Variants in PXYLP1 observed in about 807,000 individuals in gnomAD.
The protein encoded by PXYLP1 is 2-phosphoxylose phosphatase 1, also known as acid phosphatase-like 2.
Under a neutral mutation model 37.9 loss-of-function variants are expected in PXYLP1, and 17 were observed. The ratio of observed to expected loss-of-function variants is 0.45; its 90% CI spans 0.31 to 0.67. The LOEUF (loss-of-function observed/expected upper bound fraction) is 0.67, where lower values mean the gene tolerates loss of function less well. PXYLP1 is among the 30% of genes least tolerant of loss of function. The pLI, the probability that PXYLP1 is intolerant of heterozygous loss-of-function variation, is 0.07. For missense variants in PXYLP1, 511 were observed against 612.0 expected, an observed-to-expected ratio of 0.84 and a Z score of 1.74; for synonymous variants, 221 against 232.2, an observed-to-expected ratio of 0.95 and a Z score of 0.44.
At position 141,292,540 on chromosome 3, in the gene PXYLP1, C is replaced by T. The variant is rs1358182464; in HGVS notation, c.778C>T (p.Arg260Cys). 18 of 1,614,198 alleles carry T rather than the reference C, an allele frequency of 1.1e-5. No homozygotes were observed. Among genetic ancestry groups the T allele is most frequent in the East Asian group, 4.5e-5 (2 of 44,886 alleles). Residue 260 changes from arginine (R) to cysteine (C), a missense_variant, in exon 6 of 6, where the codon CGT becomes TGT. Physicochemically the swap from Arg to Cys is radical, Grantham distance 180. Transcript: ENST00000286353. This position sits in a 1 kb window ranked among gnomAD's most constrained non-coding sequence, Gnocchi z 4.3. Reference protein sequence around the residue: ...RNQYLEKEQRRQYLLRLKNSQ... With the variant: ...RNQYLEKEQRCQYLLRLKNSQ... ...CCAGTATCTGGAAAAGGAGCAGCGT[C>T]GTCAGTACCTCCTACGTTTGAAAAA...
chr3:141,279,382 T>C lies in PXYLP1; in HGVS notation c.243T>C (p.His81=). ...CAATGTGCTTCTCTCGCGCAGGTCA[T>C]GCCCCGCATCATTTTAAGCTGGTCT... is the stretch of plus-strand genomic sequence containing the variant. ...PSVAERSMEG[H]APHHFKLVSV... Residue 81 remains histidine, a synonymous_variant, in exon 4 of 6, where the codon CAT becomes CAC. Coordinates refer to ENST00000286353, the MANE Select transcript of PXYLP1 (RefSeq NM_001037172.3). The C allele has an allele frequency of 6.2e-7, 1 of 1,614,212 alleles. No homozygotes were observed. The highest frequency in any genetic ancestry group is 8.5e-7 in the Non-Finnish European group (1 of 1,180,026).
chr3:141,287,181 G>T (rs1559896823), intron 4 of PXYLP1, 133 bp from the exon 5 acceptor site: 11 of 902,742 alleles, frequency 1.2e-5, no homozygotes, highest in Non-Finnish European at 1.7e-5. Context: ...GAACTGAAAA[G>T]TGATTGAGCC....
intron 1 of PXYLP1, among the ~76,000 whole-genome samples, chr3:141,245,327 A>G (rs1438609455): frequency 2.0e-5 from 3 of 152,072 alleles, no homozygotes; most frequent in African/African-American, 4.8e-5. Context: ...TTGGCCTCCC[A>G]AAGTGCTATG....
chr3:141,249,639 A>T (rs1020469639), intron 1 of PXYLP1, among the ~76,000 whole-genome samples: 1 of 152,212 alleles, frequency 6.6e-6, no homozygotes, highest in African/African-American at 2.4e-5. Flanking sequence ...AAATTTTTTT[A>T]AAAACAGCTA....
At chr3:141,288,738 T>G (rs1335603052) in intron 5 of PXYLP1, among the ~76,000 whole-genome samples, 1 of 152,028 alleles carries the variant, frequency 6.6e-6, no homozygotes, top group Non-Finnish European at 1.5e-5. Context: ...TACAAACAAT[T>G]TTTTAAAATT....
At chr3:141,273,652 A>T in intron 2 of PXYLP1, 3 of 985,382 alleles carry the variant, frequency 3.0e-6, no homozygotes, top group Non-Finnish European at 3.6e-6. Flanking sequence ...TTTCTTTGAA[A>T]TTGAGACCTT....
At chr3:141,255,460 G>T (rs1322684152) in intron 1 of PXYLP1, among the ~76,000 whole-genome samples, 1 of 152,256 alleles carries the variant, frequency 6.6e-6, no homozygotes, top group Admixed American at 6.5e-5. Context: ...AAGGTGATGG[G>T]ACTTGAGAGA....
At chr3:141,284,489 C>A (rs1942026605) in intron 4 of PXYLP1, among the ~76,000 whole-genome samples, 1 of 152,152 alleles carries the variant, frequency 6.6e-6, no homozygotes, top group Non-Finnish European at 1.5e-5. Context: ...TAGTGTACGA[C>A]TAGTACACTA....
At chr3:141,241,200 G>A (rs1006563882) in intron 1 of PXYLP1, among the ~76,000 whole-genome samples, 2 of 152,202 alleles carry the variant, frequency 1.3e-5, no homozygotes, top group African/African-American at 2.4e-5. Flanking sequence ...TTGATGAGTG[G>A]TATATTGATA....
intron 2 of PXYLP1, chr3:141,274,648 G>A (rs939148892): frequency 2.8e-6 from 2 of 723,694 alleles, no homozygotes; most frequent in East Asian, 2.7e-5. Flanking sequence ...CCTATCCTCT[G>A]TCAGTCAGCG....
chr3:141,264,138 A>G (rs1941456118), intron 2 of PXYLP1, among the ~76,000 whole-genome samples: 1 of 151,460 alleles, frequency 6.6e-6, no homozygotes, highest in Non-Finnish European at 1.5e-5. Context: ...GTCGAAGGAA[A>G]TGCTGAAGGT....
intron 1 of PXYLP1, chr3:141,232,271 C>G (rs1286805566): frequency 6.6e-6 from 1 of 152,440 alleles, no homozygotes; most frequent in East Asian, 1.9e-4. Flanking sequence ...TCCAAGCCCT[C>G]GCCCCCCGCA....
At chr3:141,281,490 G>A (rs182970026) in intron 4 of PXYLP1, among the ~76,000 whole-genome samples, 78 of 152,342 alleles carry the variant, frequency 5.1e-4, no homozygotes, top group Admixed American at 4.6e-3. Flanking sequence ...CCCAGGACAC[G>A]GCAGCCCTCA....
At chr3:141,285,144 C>CTTTT (rs147495598) in intron 4 of PXYLP1, among the ~76,000 whole-genome samples, 11,888 of 78,016 alleles carry the variant, frequency 0.15, 947 homozygotes, top group African/African-American at 0.23. Flanking sequence ...TTTTCTTTTT[C>CTTTT]TTTTTTTTTT....
chr3:141,277,599 C>A (rs1941827437), intron 2 of PXYLP1, among the ~76,000 whole-genome samples: 2 of 152,234 alleles, frequency 1.3e-5, no homozygotes, highest in South Asian at 4.1e-4. Context: ...CCCATTACTA[C>A]CCTTATTGAC....
At chr3:141,276,558 G>C (rs993437511) in intron 2 of PXYLP1, among the ~76,000 whole-genome samples, 1 of 152,182 alleles carries the variant, frequency 6.6e-6, no homozygotes, top group African/African-American at 2.4e-5. Flanking sequence ...TGCTAGAGAT[G>C]GATATTTAGG....
At chr3:141,290,940 C>T (rs576793659) in intron 5 of PXYLP1, among the ~76,000 whole-genome samples, 10 of 152,248 alleles carry the variant, frequency 6.6e-5, no homozygotes, top group East Asian at 3.9e-4. Context: ...GGGTGAGACA[C>T]GGAATCTAAT....
chr3:141,290,543 G>A (rs1321417576), intron 5 of PXYLP1, among the ~76,000 whole-genome samples: 11 of 152,242 alleles, frequency 7.2e-5, no homozygotes, highest in Admixed American at 7.2e-4. Flanking sequence ...AGCAGGTAGT[G>A]TTGGAGCTTG....
intron 5 of PXYLP1, among the ~76,000 whole-genome samples, chr3:141,289,531 A>G (rs1378199208): frequency 6.6e-6 from 1 of 152,180 alleles, no homozygotes; most frequent in African/African-American, 2.4e-5. Flanking sequence ...GTTAAAAATA[A>G]CAGAAAACAC....
Sources: gnomAD v4.1 joint callset for allele counts (sites outside exome capture counted in the v4.1 genomes callset) on GRCh38, gnomAD v4.1.1 for gene constraint, Gnocchi (gnomAD v3.1) non-coding constraint, MANE v1.5 for transcripts, NCBI Gene and HGNC (gene_info 2026-07-23, HGNC 2026-07-21) for gene names.